Variants in MRS2 observed in about 807,000 individuals in gnomAD.
The protein encoded by MRS2 is magnesium transporter MRS2.
In MRS2, 40 loss-of-function variants were observed where a neutral mutation model predicts 52.6. The observed-to-expected ratio is 0.76, with a 90% CI of 0.59 to 0.99. MRS2 has a LOEUF of 0.99. Ranked by LOEUF, MRS2 falls within the 50% of genes least tolerant of loss-of-function variation. The pLI, the probability that MRS2 is intolerant of heterozygous loss-of-function variation, is 0.00. For missense variants in MRS2, 472 were observed against 532.7 expected (o/e 0.89, Z 1.12); for synonymous variants, 193 against 195.9 (o/e 0.98, Z 0.13).
At chr6:24,418,656 T>C (rs1761940595) in intron 9 of MRS2, 78 bp downstream of exon 9, 15 of 1,110,010 alleles carry the variant, frequency 1.4e-5, no homozygotes, top group Non-Finnish European at 1.8e-5. Context: ...CCTAGCACTT[T>C]AGGAGGCTGA....
At position 24,409,555 on chromosome 6, in the gene MRS2, G is replaced by A; in HGVS notation, c.396G>A (p.Arg132=). The part of the protein sequence containing the change: ...HVMSITVRNN[R]IIMRMEYLKA... ...TGAGTATCACAGTCAGAAACAATAG[G>A]ATTATCATGAGAATGGAGGTAAAAT... The change falls in exon 4 of 11, where the codon AGG becomes AGA. Residue 132 remains arginine (R), a synonymous_variant. Coordinates refer to ENST00000378386, the MANE Select transcript of MRS2 (RefSeq NM_020662.4). 1 of 1,590,934 alleles carries A rather than the reference G, an allele frequency of 6.3e-7. No homozygotes were observed. Among genetic ancestry groups the A allele is most frequent in the Non-Finnish European group, 8.6e-7 (1 of 1,163,886 alleles).
At chr6:24,423,155 G>A (rs1358087372) in intron 10 of MRS2, 105 bp downstream of exon 10, 8 of 853,258 alleles carry the variant, frequency 9.4e-6, no homozygotes, top group East Asian at 2.5e-5. Flanking sequence ...TGGCCCTTGC[G>A]AGTTGCTTTC....
At chr6:24,403,828 T>C (rs938615583) in intron 1 of MRS2, among the ~76,000 whole-genome samples, 33 of 152,344 alleles carry the variant, frequency 2.2e-4, no homozygotes, top group Admixed American at 1.6e-3. Context: ...AGTTGTCCAG[T>C]TGCACGGAGA....
At chr6:24,416,371 C>A (rs1233605340) in intron 6 of MRS2, 26 bp from the exon 7 acceptor site, 2 of 915,594 alleles carry the variant, frequency 2.2e-6, no homozygotes, top group Admixed American at 2.0e-5. Flanking sequence ...TTCTATTGAT[C>A]ATTTTTGTGT....
intron 5 of MRS2, among the ~76,000 whole-genome samples, chr6:24,414,142 C>CT (rs200456436): frequency 4.3e-4 from 62 of 144,058 alleles, no homozygotes; most frequent in South Asian, 3.2e-3. Context: ...AGGAGAAAGA[C>CT]TTTTTTTTTT....
chr6:24,403,745 A>G (rs1486732083), intron 1 of MRS2, among the ~76,000 whole-genome samples: 2 of 152,160 alleles, frequency 1.3e-5, no homozygotes, highest in Non-Finnish European at 2.9e-5. Flanking sequence ...CAAGGATTTC[A>G]TCTGTTCGGA....
chr6:24,410,698 G>A (rs1262476791), intron 4 of MRS2: 1 of 1,463,908 alleles, frequency 6.8e-7, no homozygotes, highest in Admixed American at 2.3e-5. Context: ...CAAAAATGAA[G>A]CAGTCTTCTC....
At chr6:24,405,358 C>CGACATGTAGCT in intron 2 of MRS2, 117 bp downstream of exon 2, 3 of 727,422 alleles carry the variant, frequency 4.1e-6, no homozygotes, top group Non-Finnish European at 7.0e-6. Context: ...ATCATAGCTA[C>CGACATGTAGCT]ATGTCGTGGC....
chr6:24,423,107 A>T, intron 10 of MRS2, 57 bp downstream of exon 10: 1 of 1,385,170 alleles, frequency 7.2e-7, no homozygotes, highest in Non-Finnish European at 1.0e-6. Context: ...ATGGGCCCTA[A>T]AGTCAGAGCG....
rs1464236250 is a variant in MRS2 at position 24,405,369 on chromosome 6, T to C, written c.264+128T>C. ...AATCATCATAGCTACATGTCGTGGC[T>C]GTTGTGCCTGGCCAGTGACCTAAGT... On this transcript the variant is annotated intron_variant, in intron 2 of 10. Transcript: ENST00000378386. 11 of 678,398 alleles carry C rather than the reference T, an allele frequency of 1.6e-5. No individual in the cohort carries two copies. The East Asian group carries it at 3.1e-4, about 19-fold the overall frequency. The allele number at this position is 678,398 out of a possible 1,614,324, so 42.0% of individuals were successfully genotyped here.
rs1320874087 is a variant in MRS2, at chr6:24,418,516, CTT to C, written c.1047_1048del (p.Ser350AlafsTer18). 1 of 1,614,024 alleles carries C rather than the reference CTT, an allele frequency of 6.2e-7. No individual in the cohort carries two copies. Among genetic ancestry groups the C allele is most frequent in the Non-Finnish European group, 8.5e-7 (1 of 1,179,956 alleles). On this transcript the variant is annotated frameshift_variant, in exon 9 of 11. Coordinates refer to ENST00000378386, the MANE Select transcript of MRS2 (RefSeq NM_020662.4). LOFTEE classifies it high-confidence loss of function. ...NLQLTMGTFS[L>X]SLFGLMGVAF... ...ACAGCTGACCATGGGAACCTTCTCT[CTT>C]TCGCTCTTTGGACTAATGGGAGTTG...
chr6:24,406,250 C>G (rs1761472346), intron 2 of MRS2, among the ~76,000 whole-genome samples: 1 of 152,126 alleles, frequency 6.6e-6, no homozygotes, highest in Non-Finnish European at 1.5e-5. Flanking sequence ...CTGAGCATAA[C>G]CTACCATATA....
chr6:24,423,689 C>T lies in MRS2; in HGVS notation c.1327C>T (p.Arg443Cys), dbSNP rs776046884. Residue 443 changes from arginine (R) to cysteine (C), a missense_variant, in exon 11 of 11, where the codon CGT becomes TGT. Physicochemically the swap from Arg to Cys is radical, Grantham distance 180. Transcript: ENST00000378386. ...ATCAGGAAGGAGCATCCTAACAAAC[C>T]GTTAGGAACAGCCCCGTGGATACTG... ...LGSGRSILTNR is the reference protein window; with the variant it reads ...LGSGRSILTNC 1.9e-6 allele frequency: 3 copies of T among 1,576,598 alleles called. No homozygotes were observed. The highest frequency in any genetic ancestry group is 1.7e-6 in the Non-Finnish European group (2 of 1,148,220).
At position 24,410,043 on chromosome 6, in the gene MRS2, G is replaced by T. The variant is rs188296363; in HGVS notation, c.414+470G>T. ...TTGCTCTTGTTGCCCAGGCTGGCAC[G>T]ATCTTGGCTCACTGCAACCTCCACC... is the stretch of plus-strand genomic sequence containing the variant. On this transcript the variant is annotated intron_variant, in intron 4 of 10. Transcript: ENST00000378386. Among the ~76,000 whole-genome samples the T allele has an allele frequency of 2.4e-3, 365 of 151,978 alleles. 1 individual carries two copies. Among genetic ancestry groups the T allele is most frequent in the African/African-American group, 8.2e-3 (342 of 41,478 alleles).
chr6:24,423,853 T>G lies in MRS2; in HGVS notation c.*159T>G, dbSNP rs1016482875. 33 of 399,188 alleles carry G rather than the reference T, an allele frequency of 8.3e-5. No individual in the cohort carries two copies. The highest frequency in any genetic ancestry group is 1.2e-4 in the Non-Finnish European group (27 of 220,508). The allele number at this position is 399,188 out of a possible 1,614,324, so 24.7% of individuals were successfully genotyped here. ...TCACAATACCAGAACTGGATTGCAT[T>G]TCCAGAATTCTGAGTTAAAGAAACA... On this transcript the variant is annotated 3_prime_UTR_variant, in exon 11 of 11. Coordinates refer to ENST00000378386, the MANE Select transcript of MRS2 (RefSeq NM_020662.4).
At chr6:24,407,550 G>C (rs865776111) in intron 2 of MRS2, among the ~76,000 whole-genome samples, 1 of 152,184 alleles carries the variant, frequency 6.6e-6, no homozygotes, top group Non-Finnish European at 1.5e-5. Flanking sequence ...CTTCAAACTT[G>C]ACTGTGGATA....
In MRS2 at chr6:24,405,787, T is replaced by TTC. The variant is rs397783150; in HGVS notation, c.264+546_264+547insTC. 7.0e-3 allele frequency among the ~76,000 whole-genome samples: 723 copies of TTC among 102,922 alleles called. 12 individuals carry two copies. The highest frequency in any genetic ancestry group is 0.02 in the African/African-American group (675 of 33,154). The allele number at this position is 102,922 out of a possible 152,430, so 67.5% of individuals were successfully genotyped here. ...CTTCTTTGTAGGCTTTTTTTTTTTT[T>TTC]CCAAAAAAAAAAAAAGTCTTGATAA... On this transcript the variant is annotated intron_variant, in intron 2 of 10. Transcript: ENST00000378386.
chr6:24,420,151 T>TA (rs1270169485), intron 9 of MRS2, among the ~76,000 whole-genome samples: 7 of 152,226 alleles, frequency 4.6e-5, no homozygotes, highest in African/African-American at 1.7e-4. Flanking sequence ...AGCCACTTGT[T>TA]ACTACCTCTC....
rs1561818707 is a variant in MRS2, at chr6:24,424,906, T to G, written c.*1212T>G. The G allele has an allele frequency of 6.6e-6, 1 of 152,160 alleles. No homozygotes were observed. Among genetic ancestry groups the G allele is most frequent in the East Asian group, 1.9e-4 (1 of 5,200 alleles). 9.4% of individuals were successfully genotyped at this position (152,160 alleles called of 1,614,324 possible). On this transcript the variant is annotated 3_prime_UTR_variant, in exon 11 of 11. Coordinates refer to ENST00000378386, the MANE Select transcript of MRS2 (RefSeq NM_020662.4). ...ATAAAAATGTTACTCCCGTCGCTGA[T>G]TTGGAAGAAAACCGATGAAGTACAA...
Sources: gnomAD v4.1 joint callset for allele counts (sites outside exome capture counted in the v4.1 genomes callset) on GRCh38, gnomAD v4.1.1 for gene constraint, MANE v1.5 for transcripts, NCBI Gene and HGNC (gene_info 2026-07-23, HGNC 2026-07-21) for gene names.